Variants in TRAPPC3L observed in about 807,000 individuals in gnomAD.
TRAPPC3L encodes trafficking protein particle complex subunit 3L, also known as trafficking protein particle complex subunit 3-like protein.
A neutral mutation model predicts 23.7 loss-of-function variants in TRAPPC3L; 23 were observed. The ratio of observed to expected loss-of-function variants is 0.97; its 90% CI spans 0.70 to 1.37. TRAPPC3L has a LOEUF of 1.37. Among genes scored for constraint, TRAPPC3L ranks in the 40% most tolerant of loss-of-function variants. The pLI is 0.00. For synonymous variants in TRAPPC3L, 81 were observed against 77.9 expected (o/e 1.04, Z -0.21); for missense variants, 212 against 216.8 (o/e 0.98, Z 0.14).
At chr6:116,514,019 A>G (rs1174443237) in intron 3 of TRAPPC3L, among the ~76,000 whole-genome samples, 1 of 152,202 alleles carries the variant, frequency 6.6e-6, no homozygotes, top group Non-Finnish European at 1.5e-5. Context: ...ACAAATGGGC[A>G]TAAAGCTTCT....
intron 3 of TRAPPC3L, among the ~76,000 whole-genome samples, chr6:116,526,974 C>T (rs1283121002): frequency 6.6e-6 from 1 of 152,110 alleles, no homozygotes; most frequent in African/African-American, 2.4e-5. Context: ...ATTGCTCTGA[C>T]CTTCCTGCTG....
intron 3 of TRAPPC3L, among the ~76,000 whole-genome samples, chr6:116,532,731 CAA>C: frequency 6.6e-6 from 1 of 152,270 alleles, no homozygotes; most frequent in South Asian, 2.1e-4. Context: ...GTTGGAAGAT[CAA>C]CAGGCACAAA....
chr6:116,541,391 T>A (rs1433539151), intron 2 of TRAPPC3L, among the ~76,000 whole-genome samples: 1 of 152,124 alleles, frequency 6.6e-6, no homozygotes, highest in Non-Finnish European at 1.5e-5. Flanking sequence ...CACATCTACA[T>A]AGACAAGTGA....
chr6:116,535,857 C>G (rs1773045939), intron 3 of TRAPPC3L, among the ~76,000 whole-genome samples: 1 of 152,120 alleles, frequency 6.6e-6, no homozygotes, highest in Admixed American at 6.5e-5. Context: ...GAATTAAATT[C>G]TAAGCTGGCT....
intron 3 of TRAPPC3L, chr6:116,516,503 G>T (rs1249699030): frequency 1.3e-5 from 2 of 151,912 alleles, no homozygotes; most frequent in Non-Finnish European, 2.9e-5. Context: ...AAAATCACAA[G>T]TTGCAAGAAT....
chr6:116,545,416 C>A, intron 1 of TRAPPC3L, 57 bp downstream of exon 1: 2 of 1,434,570 alleles, frequency 1.4e-6, no homozygotes, highest in Non-Finnish European at 1.9e-6. Flanking sequence ...AATCAGAAAT[C>A]ACTCAAGAAA....
At chr6:116,506,014 A>G (rs1772000538) in intron 3 of TRAPPC3L, among the ~76,000 whole-genome samples, 1 of 152,254 alleles carries the variant, frequency 6.6e-6, no homozygotes, top group African/African-American at 2.4e-5. Flanking sequence ...CAAAATAAAC[A>G]AACGGGATCT....
intron 3 of TRAPPC3L, among the ~76,000 whole-genome samples, chr6:116,532,397 C>T (rs982340447): frequency 2.0e-5 from 3 of 152,136 alleles, no homozygotes; most frequent in Non-Finnish European, 2.9e-5. Context: ...CCACCGCGCC[C>T]GGCCGGTTTT....
chr6:116,533,463 C>T (rs1221343917), intron 3 of TRAPPC3L, among the ~76,000 whole-genome samples: 1 of 152,242 alleles, frequency 6.6e-6, no homozygotes, highest in African/African-American at 2.4e-5. Flanking sequence ...CCACCTCTTC[C>T]TTCCACCAGA....
chr6:116,511,680 C>T (rs760710890), intron 3 of TRAPPC3L: 2 of 1,607,848 alleles, frequency 1.2e-6, no homozygotes, highest in African/African-American at 1.3e-5. Context: ...AGCATTTTCC[C>T]TCTGTGCATC....
At chr6:116,543,764 G>A (rs1228641423) in intron 1 of TRAPPC3L, 3 of 1,444,538 alleles carry the variant, frequency 2.1e-6, no homozygotes, top group Admixed American at 4.3e-5. Flanking sequence ...CATGTTTTCA[G>A]TTGGAAGCAA....
Position 116,543,342 on chromosome 6 carries a change from T to C in TRAPPC3L, c.101A>G (p.Tyr34Cys). ...GALVAQLCKD[Y>C]EKDEDVNQYL... ...TTGGTTCACATCTTCATCCTTCTCA[T>C]AATCCTTACACAGCTGGGCAACCAG... is the stretch of plus-strand genomic sequence containing the variant. Residue 34 changes from tyrosine to cysteine, a missense_variant, in exon 2 of 5, where the codon TAT becomes TGT. Tyr to Cys is a radical substitution (Grantham distance 194, BLOSUM62 -2). Transcript: ENST00000368602. The C allele has an allele frequency of 1.3e-6, 2 of 1,549,892 alleles. No individual in the cohort carries two copies. The highest frequency in any genetic ancestry group is 2.7e-5 in the African/African-American group (2 of 73,086).
chr6:116,532,980 G>A (rs749043252), intron 3 of TRAPPC3L, among the ~76,000 whole-genome samples: 8 of 152,126 alleles, frequency 5.3e-5, no homozygotes, highest in Non-Finnish European at 7.3e-5. Context: ...ATTTCAGAAC[G>A]TCAACTTGGT....
At chr6:116,505,465 C>A (rs369111989) in intron 3 of TRAPPC3L, among the ~76,000 whole-genome samples, 2 of 151,986 alleles carry the variant, frequency 1.3e-5, no homozygotes. Context: ...ATAGATTCAA[C>A]GCCATCCCCA....
At chr6:116,540,227 T>G (rs1027011409) in intron 3 of TRAPPC3L, 136 bp downstream of exon 3, 2 of 804,440 alleles carry the variant, frequency 2.5e-6, no homozygotes, top group African/African-American at 3.5e-5. Context: ...TAAAATGCTT[T>G]TCAATCAGAA....
chr6:116,497,322 G>C (rs1771847402), intron 4 of TRAPPC3L, among the ~76,000 whole-genome samples: 1 of 152,138 alleles, frequency 6.6e-6, no homozygotes, highest in Non-Finnish European at 1.5e-5. Flanking sequence ...CCCAGCCTCT[G>C]CCAAGCTTAG....
chr6:116,504,752 A>G (rs1263571493), intron 3 of TRAPPC3L, among the ~76,000 whole-genome samples: 7 of 152,236 alleles, frequency 4.6e-5, no homozygotes, highest in Admixed American at 2.0e-4. Context: ...CATAAACAGA[A>G]CCAAAGACAA....
intron 4 of TRAPPC3L, among the ~76,000 whole-genome samples, chr6:116,499,371 T>C (rs910131445): frequency 7.2e-5 from 11 of 152,196 alleles, no homozygotes; most frequent in Non-Finnish European, 1.5e-4. Context: ...TTCAGCATTG[T>C]TCCCTCTGAT....
intron 3 of TRAPPC3L, among the ~76,000 whole-genome samples, chr6:116,531,847 A>G (rs931279936): frequency 4.7e-5 from 7 of 150,144 alleles, no homozygotes; most frequent in African/African-American, 1.7e-4. Flanking sequence ...TAATAAATAT[A>G]CAATTTAATA....
Sources: gnomAD v4.1 joint callset for allele counts (sites outside exome capture counted in the v4.1 genomes callset) on GRCh38, gnomAD v4.1.1 for gene constraint, MANE v1.5 for transcripts, NCBI Gene and HGNC (gene_info 2026-07-23, HGNC 2026-07-21) for gene names.